TRAIP: variants seen among roughly 807,000 people sequenced by gnomAD.
TRAIP encodes the protein E3 ubiquitin-protein ligase TRAIP.
In TRAIP, 37 loss-of-function variants were observed where a neutral mutation model predicts 65.0. That is an observed-to-expected ratio of 0.57 (90% confidence interval 0.44 to 0.75). The LOEUF is 0.75. Among genes scored for constraint, TRAIP ranks in the 30% least tolerant of loss-of-function variants. The pLI is 0.00. For missense variants in TRAIP, 481 were observed against 579.4 expected (o/e 0.83, Z 1.74); for synonymous variants, 187 against 219.1 (o/e 0.85, Z 1.29).
chr3:49,834,607 T>C (rs539203106), intron 10 of TRAIP, among the ~76,000 whole-genome samples: 1 of 152,276 alleles, frequency 6.6e-6, no homozygotes, highest in East Asian at 1.9e-4. Flanking sequence ...AAACAAACTA[T>C]GTACAATGAC....
At chr3:49,841,348 G>A (rs2081837691) in intron 7 of TRAIP, among the ~76,000 whole-genome samples, 1 of 152,156 alleles carries the variant, frequency 6.6e-6, no homozygotes, top group Non-Finnish European at 1.5e-5. Context: ...TAAACCACCT[G>A]GTCTTAAAGG....
At chr3:49,829,957 G>A (rs1465221668) in intron 12 of TRAIP, 63 bp downstream of exon 12, 69 of 1,603,374 alleles carry the variant, frequency 4.3e-5, no homozygotes, top group East Asian at 3.1e-4. Flanking sequence ...TGGCAAGACC[G>A]TGCCCTCCCA....
intron 7 of TRAIP, 67 bp from the exon 8 acceptor site, chr3:49,841,139 T>A: frequency 7.4e-7 from 1 of 1,359,802 alleles, no homozygotes; most frequent in Non-Finnish European, 1.1e-6. Flanking sequence ...GCCACAGCAC[T>A]AATCTAACAC....
chr3:49,850,756 G>C (rs2081923640), intron 1 of TRAIP, among the ~76,000 whole-genome samples: 1 of 142,102 alleles, frequency 7.0e-6, no homozygotes, highest in African/African-American at 2.7e-5. Flanking sequence ...CCAGGTTCAA[G>C]CAATTCTCCT....
rs987047859 is a variant in TRAIP at position 49,843,595 on chromosome 3, A to G, written c.408+206T>C. On this transcript the variant is annotated intron_variant, in intron 5 of 14. Coordinates refer to ENST00000331456, the MANE Select transcript of TRAIP (RefSeq NM_005879.3). ...CAAACTACCTAGTACAAAACCCACA[A>G]GTATAGCCAATATGGCCCTTTTCTT... 4.9e-6 allele frequency: 3 copies of G among 607,544 alleles called. No individual in the cohort carries two copies. In the African/African-American group the frequency reaches 5.5e-5, roughly 11 times the overall value. 37.6% of individuals were successfully genotyped at this position (607,544 alleles called of 1,614,324 possible). A position where few individuals can be genotyped will look rare whatever the true frequency, so the allele number is the denominator to read the frequency against.
intron 7 of TRAIP, 39 bp from the exon 8 acceptor site, chr3:49,841,111 A>C (rs2081835922): frequency 1.3e-6 from 2 of 1,565,204 alleles, no homozygotes; most frequent in Non-Finnish European, 1.8e-6. Flanking sequence ...AGAAAAGAAC[A>C]CCTGCAGGTC....
rs757532726 is a variant in TRAIP, at chr3:49,856,469, G to C, written c.-16C>G. ...GGATAGGCATGATGGCTGGACTCAA[G>C]GGGCCCAGGCAGCCAAAGAAACTGC... On this transcript the variant is annotated 5_prime_UTR_variant, in exon 1 of 15. Coordinates refer to ENST00000331456, the MANE Select transcript of TRAIP (RefSeq NM_005879.3). The C allele has an allele frequency of 1.2e-6, 2 of 1,610,414 alleles. No homozygotes were observed. Among genetic ancestry groups the C allele is most frequent in the South Asian group, 1.1e-5 (1 of 90,570 alleles).
intron 1 of TRAIP, 142 bp from the exon 2 acceptor site, chr3:49,848,342 G>T: frequency 1.2e-6 from 1 of 841,230 alleles, no homozygotes; most frequent in Non-Finnish European, 1.9e-6. Flanking sequence ...AGTAGCATAG[G>T]CAGTTACAGC....
At chr3:49,845,369 A>T (rs1378594403) in intron 3 of TRAIP, among the ~76,000 whole-genome samples, 1 of 152,238 alleles carries the variant, frequency 6.6e-6, no homozygotes, top group Non-Finnish European at 1.5e-5. Context: ...GAAACGCTTG[A>T]CCAAGGGTCC....
At position 49,852,338 on chromosome 3, in the gene TRAIP, G is replaced by A. The variant is rs371086785; in HGVS notation, c.98+4018C>T. On this transcript the variant is annotated intron_variant, in intron 1 of 14. Transcript: ENST00000331456. ...GCCGAGATCGGACCATTGCACTCCA[G>A]CCTGGGTGACAGAGCGAGACTCTAC... Among the ~76,000 whole-genome samples, 18 of 152,010 alleles carry A rather than the reference G, an allele frequency of 1.2e-4. No individual in the cohort carries two copies. The East Asian group carries it at 2.6e-3, about 22-fold the overall frequency.
chr3:49,833,869 T>G (rs2081758031), intron 10 of TRAIP, among the ~76,000 whole-genome samples: 1 of 152,206 alleles, frequency 6.6e-6, no homozygotes, highest in Admixed American at 6.5e-5. Flanking sequence ...TCCTTCCCAC[T>G]TTCTGTTTGT....
intron 10 of TRAIP, among the ~76,000 whole-genome samples, chr3:49,835,131 C>T (rs1404092378): frequency 6.6e-6 from 1 of 152,118 alleles, no homozygotes; most frequent in Admixed American, 6.5e-5. Context: ...TCCCTTGAAC[C>T]CAGGGGGTGG....
Position 49,856,382 on chromosome 3 carries a change from G to A in TRAIP, c.72C>T (p.His24=), listed in dbSNP as rs753152808. 107 of 1,613,952 alleles carry A rather than the reference G, an allele frequency of 6.6e-5. No individual in the cohort carries two copies. Among genetic ancestry groups the A allele is most frequent in the Non-Finnish European group, 8.1e-5 (96 of 1,179,984 alleles). ...ACTGCAAGTGGAAGGTGTGGCCGCA[G>A]TGGATGGCGGCCACGTCGCGGGAGT... ...FDHSRDVAAI[H]CGHTFHLQCL... The change falls in exon 1 of 15, where the codon CAC becomes CAT. Residue 24 remains histidine (H), a synonymous_variant. Coordinates refer to ENST00000331456, the MANE Select transcript of TRAIP (RefSeq NM_005879.3).
intron 8 of TRAIP, 41 bp downstream of exon 8, chr3:49,840,944 A>C: frequency 1.9e-6 from 3 of 1,578,586 alleles, no homozygotes; most frequent in Non-Finnish European, 2.6e-6. Flanking sequence ...TGACAAAAGG[A>C]GAGCCACTTC....
intron 3 of TRAIP, 37 bp downstream of exon 3, chr3:49,847,488 G>T: frequency 7.4e-7 from 1 of 1,360,078 alleles, no homozygotes; most frequent in Non-Finnish European, 1.0e-6. Flanking sequence ...CTCGCACAAG[G>T]CTTGGAGTTC....
At chr3:49,829,978 C>T (rs750591195) in intron 12 of TRAIP, 42 bp downstream of exon 12, 13 of 1,613,474 alleles carry the variant, frequency 8.1e-6, no homozygotes, top group Non-Finnish European at 1.0e-5. Context: ...AAAGTCCAGT[C>T]CTGCCAAAGG....
Position 49,856,378 on chromosome 3 carries a change from C to T in TRAIP, c.76G>A (p.Gly26Ser). 1 of 1,614,038 alleles carries T rather than the reference C, an allele frequency of 6.2e-7. No homozygotes were observed. The highest frequency in any genetic ancestry group is 8.5e-7 in the Non-Finnish European group (1 of 1,179,964). The change falls in exon 1 of 15, where the codon GGC becomes AGC. Residue 26 changes from glycine (G) to serine (S), a missense_variant. Physicochemically the swap from Gly to Ser is moderately conservative, Grantham distance 56. Coordinates refer to ENST00000331456, the MANE Select transcript of TRAIP (RefSeq NM_005879.3). ...CACCACTGCAAGTGGAAGGTGTGGCCGCAGTGGATGGCGGCCACGTCGCGG... is the reference window on the plus strand; with the variant it reads ...CACCACTGCAAGTGGAAGGTGTGGCTGCAGTGGATGGCGGCCACGTCGCGG... ...HSRDVAAIHC[G>S]HTFHLQCLIQ...
In TRAIP at chr3:49,829,358, G is replaced by A. The variant is rs977094832; in HGVS notation, c.1287+100C>T. On this transcript the variant is annotated intron_variant, in intron 14 of 14. Transcript: ENST00000331456. ...GATACACAGAATGAGGCCCAGCACT[G>A]CACACCTGAGGCTGTTGGCACTGGC... 4 of 1,610,424 alleles carry A rather than the reference G, an allele frequency of 2.5e-6. No individual in the cohort carries two copies. In the African/African-American group the frequency reaches 4.0e-5, roughly 16 times the overall value.
At chr3:49,855,513 A>G (rs983783484) in intron 1 of TRAIP, among the ~76,000 whole-genome samples, 7 of 152,224 alleles carry the variant, frequency 4.6e-5, no homozygotes, top group African/African-American at 1.2e-4. Flanking sequence ...GAGTAGGCAA[A>G]CAGAAAATAG....
Sources: allele counts gnomAD v4.1 joint callset (sites outside exome capture counted in the v4.1 genomes callset), GRCh38; gene constraint gnomAD v4.1.1; transcripts MANE v1.5; gene names NCBI Gene and HGNC (gene_info 2026-07-23, HGNC 2026-07-21).